The following ARAP2 variants were observed in gnomAD, a reference collection of about 807,000 sequenced individuals.
ARAP2 encodes the protein ArfGAP with RhoGAP domain, ankyrin repeat and PH domain 2.
In ARAP2, 148 loss-of-function variants were observed where a neutral mutation model predicts 194.5. The ratio of observed to expected loss-of-function variants is 0.76; its 90% CI spans 0.67 to 0.87. The LOEUF is 0.87. Among genes scored for constraint, ARAP2 ranks in the 40% least tolerant of loss-of-function variants. ARAP2 has a pLI of 0.00. For missense variants in ARAP2, 2,128 were observed against 1,989.7 expected, an observed-to-expected ratio of 1.07 and a Z score of -1.32; for synonymous variants, 695 against 683.5, an observed-to-expected ratio of 1.02 and a Z score of -0.26.
chr4:36,080,169 A>G, intron 31 of ARAP2, 47 bp downstream of exon 31: 2 of 1,509,846 alleles, frequency 1.3e-6, no homozygotes, highest in Non-Finnish European at 1.8e-6. Context: ...CATTTCCTGT[A>G]AACAAAGTTA....
intron 1 of ARAP2, chr4:36,243,649 G>GT (rs1278363203): frequency 6.6e-6 from 1 of 152,172 alleles, no homozygotes; most frequent in African/African-American, 2.4e-5. Flanking sequence ...CAAGAGAACT[G>GT]TCTCCAAAAG....
intron 6 of ARAP2, 91 bp downstream of exon 6, chr4:36,210,299 G>C: frequency 8.4e-7 from 1 of 1,191,068 alleles, no homozygotes; most frequent in Non-Finnish European, 1.2e-6. Context: ...TGGCGGTGGA[G>C]TGGGGGAACA....
intron 15 of ARAP2, among the ~76,000 whole-genome samples, chr4:36,151,271 CTG>C (rs1298377784): frequency 6.6e-6 from 1 of 151,996 alleles, no homozygotes; most frequent in African/African-American, 2.4e-5. Flanking sequence ...ACAAAAATGA[CTG>C]TGACATTGAT....
At chr4:36,168,132 T>G (rs1735708329) in intron 9 of ARAP2, among the ~76,000 whole-genome samples, 1 of 152,090 alleles carries the variant, frequency 6.6e-6, no homozygotes, top group Non-Finnish European at 1.5e-5. Context: ...GTAAAAGAAG[T>G]GTATTCTCCT....
At chr4:36,117,390 T>C (rs1166768102) in intron 24 of ARAP2, among the ~76,000 whole-genome samples, 3 of 151,734 alleles carry the variant, frequency 2.0e-5, no homozygotes, top group Non-Finnish European at 3.0e-5. Flanking sequence ...AGGAGCTTAG[T>C]ACTCTCAAAT....
At chr4:36,034,185 T>C (rs1024172910) in intron 5 of ARAP2, among the ~76,000 whole-genome samples, 4 of 152,148 alleles carry the variant, frequency 2.6e-5, no homozygotes, top group African/African-American at 9.7e-5. Context: ...CTGTGAAGAA[T>C]GTCATTGGTA....
chr4:36,044,156 A>T (rs888153477), intron 5 of ARAP2, among the ~76,000 whole-genome samples: 2 of 152,134 alleles, frequency 1.3e-5, no homozygotes, highest in African/African-American at 4.8e-5. Flanking sequence ...ATGTGGAAAG[A>T]GTGATCATAA....
intron 4 of ARAP2, 140 bp from the exon 5 acceptor site, chr4:36,212,627 C>G: frequency 1.9e-6 from 1 of 518,702 alleles, no homozygotes; most frequent in Non-Finnish European, 3.4e-6. Flanking sequence ...TTACTTAGAT[C>G]AATTTTCAGA....
chr4:36,084,549 A>C (rs901854668), intron 28 of ARAP2, among the ~76,000 whole-genome samples: 19 of 152,170 alleles, frequency 1.2e-4, no homozygotes, highest in Middle Eastern at 3.2e-3. Context: ...AATCCAAATT[A>C]ATGAAAATTA....
chr4:36,123,878 A>G (rs1344942941), intron 22 of ARAP2, among the ~76,000 whole-genome samples: 3 of 151,720 alleles, frequency 2.0e-5, no homozygotes, highest in Non-Finnish European at 4.4e-5. Context: ...CGCCCAATTC[A>G]TATGTCCCTT....
intron 2 of ARAP2, among the ~76,000 whole-genome samples, chr4:36,052,568 G>T (rs1008627840): frequency 1.3e-5 from 2 of 152,148 alleles, no homozygotes; most frequent in South Asian, 4.1e-4. Flanking sequence ...CTAATGCTGC[G>T]TTATTTTCTT....
intron 6 of ARAP2, among the ~76,000 whole-genome samples, chr4:36,202,501 A>G (rs1744583331): frequency 6.6e-6 from 1 of 152,142 alleles, no homozygotes; most frequent in African/African-American, 2.4e-5. Context: ...AGAAGAAAAA[A>G]AAAAAGGTAC....
At chr4:36,217,566 A>G (rs1748216840) in intron 2 of ARAP2, among the ~76,000 whole-genome samples, 1 of 152,070 alleles carries the variant, frequency 6.6e-6, no homozygotes, top group Non-Finnish European at 1.5e-5. Flanking sequence ...AATAAAAAAT[A>G]AAAATGATTT....
intron 7 of ARAP2, among the ~76,000 whole-genome samples, chr4:36,191,084 T>G (rs2109907873): frequency 6.6e-6 from 1 of 152,338 alleles, no homozygotes; most frequent in African/African-American, 2.4e-5. Flanking sequence ...CTGTAGAGAC[T>G]GAGACCAGAC....
chr4:36,227,269 A>G (rs1329019717), intron 2 of ARAP2, among the ~76,000 whole-genome samples: 1 of 152,162 alleles, frequency 6.6e-6, no homozygotes, highest in Non-Finnish European at 1.5e-5. Context: ...CTTATATTAG[A>G]TAACTCCTGC....
chr4:36,197,085 C>G (rs889113487), intron 6 of ARAP2, among the ~76,000 whole-genome samples: 5 of 151,718 alleles, frequency 3.3e-5, no homozygotes, highest in Non-Finnish European at 7.4e-5. Flanking sequence ...TACTAGATTT[C>G]TTTTTCTTGA....
At chr4:36,237,447 G>C (rs903995448) in intron 1 of ARAP2, among the ~76,000 whole-genome samples, 3 of 152,170 alleles carry the variant, frequency 2.0e-5, no homozygotes, top group Non-Finnish European at 2.9e-5. Context: ...AGGGGACCTC[G>C]CAGTGGGAAG....
intron 2 of ARAP2, among the ~76,000 whole-genome samples, chr4:36,225,329 G>C (rs1750081331): frequency 6.6e-6 from 1 of 152,162 alleles, no homozygotes; most frequent in Admixed American, 6.6e-5. Flanking sequence ...GAGGAAAAAT[G>C]TACTTCCTTC....
At chr4:36,032,025 T>C (rs540965185) in intron 5 of ARAP2, among the ~76,000 whole-genome samples, 18 of 152,308 alleles carry the variant, frequency 1.2e-4, no homozygotes, top group African/African-American at 4.1e-4. Context: ...GAAAAATTAT[T>C]CTGATATTTG....
Sources: gnomAD v4.1 joint callset for allele counts (sites outside exome capture counted in the v4.1 genomes callset) on GRCh38, gnomAD v4.1.1 for gene constraint, MANE v1.5 for transcripts, NCBI Gene and HGNC (gene_info 2026-07-23, HGNC 2026-07-21) for gene names.